MGAT4C: variants seen among roughly 807,000 people sequenced by gnomAD.
MGAT4C encodes alpha-1,3-mannosyl-glycoprotein 4-beta-N-acetylglucosaminyltransferase C.
In MGAT4C, 19 loss-of-function variants were observed where a neutral mutation model predicts 40.1. That is an observed-to-expected ratio of 0.47 (90% CI 0.33 to 0.70). MGAT4C has a LOEUF of 0.70. Among genes scored for constraint, MGAT4C ranks in the 30% least tolerant of loss-of-function variants. The pLI, the probability that MGAT4C is intolerant of heterozygous loss-of-function variation, is 0.02. For missense variants in MGAT4C, 491 were observed against 563.2 expected (o/e 0.87, Z 1.30); for synonymous variants, 181 against 187.1 (o/e 0.97, Z 0.27).
chr12:86,539,199 G>A (rs1191234366), intron 2 of MGAT4C, among the ~76,000 whole-genome samples: 4 of 138,562 alleles, frequency 2.9e-5, no homozygotes, highest in East Asian at 4.5e-4. Flanking sequence ...TACAGGCTCC[G>A]GTGTATGACG....
At chr12:85,993,918 C>T (rs1886287803) in intron 2 of MGAT4C, among the ~76,000 whole-genome samples, 1 of 152,132 alleles carries the variant, frequency 6.6e-6, no homozygotes, top group African/African-American at 2.4e-5. Context: ...CGCAGGCACC[C>T]CTGAGCCTGT....
chr12:86,305,197 T>C (rs1953904068), intron 4 of MGAT4C, among the ~76,000 whole-genome samples: 1 of 150,476 alleles, frequency 6.6e-6, no homozygotes, highest in South Asian at 2.1e-4. Flanking sequence ...TCCAGCACTT[T>C]GGGAGGCCGA....
At chr12:86,236,322 T>A (rs1305686811) in intron 1 of MGAT4C, among the ~76,000 whole-genome samples, 1 of 152,048 alleles carries the variant, frequency 6.6e-6, no homozygotes, top group Non-Finnish European at 1.5e-5. Context: ...CTACTTACAG[T>A]TGGTAAGATA....
intron 2 of MGAT4C, among the ~76,000 whole-genome samples, chr12:86,707,717 G>A (rs1359722735): frequency 6.6e-6 from 1 of 151,870 alleles, no homozygotes; most frequent in Non-Finnish European, 1.5e-5. Flanking sequence ...TTTTAGTAGA[G>A]ATGGGATTTC....
intron 1 of MGAT4C, among the ~76,000 whole-genome samples, chr12:86,739,509 T>C (rs568920089): frequency 8.1e-4 from 122 of 150,960 alleles, no homozygotes; most frequent in African/African-American, 2.8e-3. Context: ...GTTCAGCAAC[T>C]GCAGATGTAA....
At chr12:86,037,549 G>A (rs1271737899) in intron 2 of MGAT4C, among the ~76,000 whole-genome samples, 12 of 149,944 alleles carry the variant, frequency 8.0e-5, no homozygotes, top group East Asian at 3.9e-4. Context: ...CATTATTTAC[G>A]CAGTAGTCAT....
At chr12:86,480,441 T>C (rs1286721877) in intron 2 of MGAT4C, among the ~76,000 whole-genome samples, 1 of 148,332 alleles carries the variant, frequency 6.7e-6, no homozygotes, top group Non-Finnish European at 1.5e-5. Flanking sequence ...TGTATGTATG[T>C]ATACATATAT....
Position 86,546,020 on chromosome 12 carries a change from T to C in MGAT4C, c.-228-110755A>G, listed in dbSNP as rs73389829. 3.3e-3 allele frequency among the ~76,000 whole-genome samples: 495 copies of C among 152,098 alleles called. 2 individuals are homozygous for C. The highest frequency in any genetic ancestry group is 0.012 in the African/African-American group (482 of 41,582). On this transcript the variant is annotated intron_variant, in intron 2 of 7. Transcript: ENST00000548651. ...TTTAAAGGTTATTTGCTATGTTTCC[T>C]ACAATTAAATTAATAAAATAAATAG...
At chr12:86,177,873 A>G (rs2135854236) in intron 1 of MGAT4C, among the ~76,000 whole-genome samples, 1 of 152,318 alleles carries the variant, frequency 6.6e-6, no homozygotes, top group South Asian at 2.1e-4. Context: ...AATTAAATAA[A>G]AATTCTAGCC....
chr12:86,168,796 A>G (rs1886470179), intron 1 of MGAT4C, among the ~76,000 whole-genome samples: 1 of 152,158 alleles, frequency 6.6e-6, no homozygotes, highest in Non-Finnish European at 1.5e-5. Context: ...ATGACCTGAC[A>G]TGCAGTGTCT....
At chr12:86,141,574 C>T (rs1316279422) in intron 1 of MGAT4C, among the ~76,000 whole-genome samples, 2 of 152,060 alleles carry the variant, frequency 1.3e-5, no homozygotes, top group African/African-American at 4.8e-5. Context: ...TATGGGCCAG[C>T]TTTAAACTGA....
upstream of MGAT4C, among the ~76,000 whole-genome samples, chr12:86,258,035 G>A (rs571230752): frequency 6.6e-5 from 10 of 151,792 alleles, no homozygotes; most frequent in East Asian, 9.6e-4. Context: ...TAATATTATC[G>A]TTGTTATGAA....
chr12:86,760,835 A>T (rs946212520), intron 1 of MGAT4C, among the ~76,000 whole-genome samples: 1 of 152,198 alleles, frequency 6.6e-6, no homozygotes, highest in Non-Finnish European at 1.5e-5. Context: ...GAATGAAAGA[A>T]GCCAGATAAA....
Position 86,784,051 on chromosome 12 carries a change from G to T in MGAT4C, c.-262+54615C>A, listed in dbSNP as rs115712483. On this transcript the variant is annotated intron_variant, in intron 1 of 7. Transcript: ENST00000548651. ...TATTAAGGTCTTGAACTTTTGGTCTGCCATGACTCCACCTCCACCTCCATT... is the reference window on the plus strand; with the variant it reads ...TATTAAGGTCTTGAACTTTTGGTCTTCCATGACTCCACCTCCACCTCCATT... Among the ~76,000 whole-genome samples the T allele has an allele frequency of 3.5e-3, 528 of 152,192 alleles. 2 individuals carry two copies. The highest frequency in any genetic ancestry group is 0.012 in the African/African-American group (509 of 41,558).
chr12:86,067,600 T>A (rs1894676974), intron 1 of MGAT4C, among the ~76,000 whole-genome samples: 1 of 152,054 alleles, frequency 6.6e-6, no homozygotes, highest in African/African-American at 2.4e-5. Context: ...GAGAAATACC[T>A]AATGTAGATG....
chr12:86,411,660 C>A (rs747033588), intron 3 of MGAT4C, among the ~76,000 whole-genome samples: 44 of 152,134 alleles, frequency 2.9e-4, no homozygotes, highest in Non-Finnish European at 5.0e-4. Flanking sequence ...GGAAAAATTG[C>A]AGCCTGGCCA....
chr12:86,675,328 T>C (rs1268981292), intron 2 of MGAT4C, among the ~76,000 whole-genome samples: 2 of 152,200 alleles, frequency 1.3e-5, no homozygotes, highest in Admixed American at 6.5e-5. Context: ...TTGACTCTTA[T>C]CGTGATGACT....
intron 1 of MGAT4C, among the ~76,000 whole-genome samples, chr12:86,103,246 G>A (rs568691662): frequency 6.6e-6 from 1 of 152,274 alleles, no homozygotes; most frequent in Admixed American, 6.6e-5. Flanking sequence ...TAAGGCAAAA[G>A]AGTGAATAAT....
rs1422342314 is a variant in MGAT4C at position 86,566,559 on chromosome 12, T to C, written c.-228-131294A>G. Reference sequence around the variant, plus strand: ...ATATATATATATATATATATATATATATATATATATATATATGTATATGTA... The same window carrying C: ...ATATATATATATATATATATATATACATATATATATATATATGTATATGTA... On this transcript the variant is annotated intron_variant, in intron 2 of 7. Coordinates refer to the MGAT4C transcript ENST00000548651. 2.4e-4 allele frequency among the ~76,000 whole-genome samples: 31 copies of C among 130,628 alleles called. 1 individual carries two copies. The highest frequency in any genetic ancestry group is 9.7e-4 in the South Asian group (4 of 4,126). The allele number at this position is 130,628 out of a possible 152,430, so 85.7% of individuals were successfully genotyped here.
Sources: gnomAD v4.1 joint callset for allele counts (sites outside exome capture counted in the v4.1 genomes callset) on GRCh38, gnomAD v4.1.1 for gene constraint, MANE v1.5 for transcripts, NCBI Gene and HGNC (gene_info 2026-07-23, HGNC 2026-07-21) for gene names.